Variants in GADL1 observed in about 807,000 individuals in gnomAD.
The protein encoded by GADL1 is acidic amino acid decarboxylase GADL1.
In GADL1, 71 loss-of-function variants were observed where a neutral mutation model predicts 69.5. That is an observed-to-expected ratio of 1.02 (90% CI 0.84 to 1.25). The LOEUF is 1.25. GADL1 is among the 50% of genes most tolerant of loss of function. GADL1 has a pLI of 0.00. For synonymous variants in GADL1, 254 were observed against 214.4 expected, an observed-to-expected ratio of 1.18 and a Z score of -1.62; for missense variants, 737 against 631.8, an observed-to-expected ratio of 1.17 and a Z score of -1.79.
At chr3:30,774,338 A>T (rs1244158925) in intron 14 of GADL1, among the ~76,000 whole-genome samples, 3 of 152,202 alleles carry the variant, frequency 2.0e-5, no homozygotes, top group Non-Finnish European at 4.4e-5. Flanking sequence ...TAATTATTCA[A>T]GCGCAGAACC....
chr3:30,857,475 TAAA>T (rs1559362763), intron 2 of GADL1, among the ~76,000 whole-genome samples: 3 of 151,930 alleles, frequency 2.0e-5, no homozygotes, highest in Non-Finnish European at 2.9e-5. Context: ...TTAAAAAAGA[TAAA>T]AAATTCGGAT....
chr3:30,740,956 TTTA>T (rs1431211373), intron 14 of GADL1, among the ~76,000 whole-genome samples: 6 of 137,994 alleles, frequency 4.3e-5, no homozygotes, highest in African/African-American at 1.7e-4. Flanking sequence ...ATCAAATATA[TTTA>T]TTATATATTA....
intron 6 of GADL1, among the ~76,000 whole-genome samples, chr3:30,846,437 G>A (rs925486709): frequency 3.9e-5 from 6 of 152,112 alleles, no homozygotes; most frequent in Non-Finnish European, 8.8e-5. Context: ...TTTTTTCTAT[G>A]ACCTTGAGCT....
At chr3:30,746,723 G>A (rs1251438704) in intron 14 of GADL1, among the ~76,000 whole-genome samples, 1 of 152,172 alleles carries the variant, frequency 6.6e-6, no homozygotes, top group Non-Finnish European at 1.5e-5. Flanking sequence ...ACACATAAAA[G>A]TGACATATAA....
rs1188638235 is a variant in GADL1, at chr3:30,861,613, C to T, written c.190G>A (p.Ala64Thr). ...TTTACCTTCTCATTGACATCTGTAG[C>T]TTTCAAAACCACCTCTTCCATTATT... ...RLIMEEVVLKATDVNEKVCEW... is the reference protein window; with the variant it reads ...RLIMEEVVLKTTDVNEKVCEW... Residue 64 changes from alanine (A) to threonine (T), a missense_variant, in exon 2 of 15, where the codon GCT becomes ACT. Physicochemically the swap from Ala to Thr is moderately conservative, Grantham distance 58 (BLOSUM62 0). Transcript: ENST00000282538. 6.5e-7 allele frequency: 1 copy of T among 1,547,660 alleles called. No individual in the cohort carries two copies. Among genetic ancestry groups the T allele is most frequent in the South Asian group, 1.2e-5 (1 of 83,180 alleles).
Position 30,844,603 on chromosome 3 carries a change from T to C in GADL1, c.652-137A>G, listed in dbSNP as rs1698025021. 7.6e-6 allele frequency: 5 copies of C among 657,080 alleles called. No individual in the cohort carries two copies. The East Asian group carries it at 1.3e-4, about 17-fold the overall frequency. 40.7% of individuals were successfully genotyped at this position (657,080 alleles called of 1,614,324 possible). ...ATTATTGCATAAAAAAGTAATTTAATTGAGCTCCTTAGCATAGTGGTTGAG... is the reference window on the plus strand; with the variant it reads ...ATTATTGCATAAAAAAGTAATTTAACTGAGCTCCTTAGCATAGTGGTTGAG... On this transcript the variant is annotated intron_variant, in intron 6 of 14. Transcript: ENST00000282538.
intron 13 of GADL1, among the ~76,000 whole-genome samples, chr3:30,784,894 C>T (rs1424840528): frequency 6.6e-6 from 1 of 152,114 alleles, no homozygotes; most frequent in Non-Finnish European, 1.5e-5. Context: ...TGCACACTCC[C>T]CTTCATTCAA....
chr3:30,816,559 T>TTTTTTTTTTTTTTTTTC, intron 11 of GADL1, among the ~76,000 whole-genome samples: 1 of 103,990 alleles, frequency 9.6e-6, no homozygotes, highest in Non-Finnish European at 1.9e-5. Flanking sequence ...TTTTTTTTTT[T>TTTTTTTTTTTTTTTTTC]TTTTTTTGAG....
chr3:30,835,450 G>A (rs1002285806), intron 9 of GADL1, among the ~76,000 whole-genome samples: 2 of 152,026 alleles, frequency 1.3e-5, no homozygotes, highest in African/African-American at 2.4e-5. Flanking sequence ...GTATCTCCAC[G>A]ATCCTCAGAG....
At chr3:30,765,720 G>A (rs1273464222) in intron 14 of GADL1, among the ~76,000 whole-genome samples, 1 of 152,162 alleles carries the variant, frequency 6.6e-6, no homozygotes, top group Non-Finnish European at 1.5e-5. Flanking sequence ...GCTTGGAAGG[G>A]TTGAAACTCA....
chr3:30,887,107 G>A (rs1347741668), intron 1 of GADL1, among the ~76,000 whole-genome samples: 1 of 152,184 alleles, frequency 6.6e-6, no homozygotes, highest in Non-Finnish European at 1.5e-5. Flanking sequence ...TCAGTAACTG[G>A]TAGAGCCTGG....
chr3:30,756,268 T>C (rs553776828), intron 14 of GADL1, among the ~76,000 whole-genome samples: 73 of 152,284 alleles, frequency 4.8e-4, no homozygotes, highest in African/African-American at 1.6e-3. Context: ...ACTCAACTGA[T>C]CTGGCCTCAG....
At chr3:30,764,389 T>C (rs1047641623) in intron 14 of GADL1, among the ~76,000 whole-genome samples, 1 of 152,202 alleles carries the variant, frequency 6.6e-6, no homozygotes, top group African/African-American at 2.4e-5. Flanking sequence ...TCTTGAGTTA[T>C]GTAACTCATA....
chr3:30,855,712 A>G (rs1283164371), intron 3 of GADL1, among the ~76,000 whole-genome samples: 1 of 152,046 alleles, frequency 6.6e-6, no homozygotes, highest in African/African-American at 2.4e-5. Flanking sequence ...TCTCAATCTC[A>G]GGAAGCTCAG....
At chr3:30,789,259 TGA>T (rs562138747) in intron 12 of GADL1, among the ~76,000 whole-genome samples, 2 of 152,226 alleles carry the variant, frequency 1.3e-5, no homozygotes, top group Non-Finnish European at 2.9e-5. Context: ...TCAGAGCTCT[TGA>T]GTTACTAGGT....
intron 6 of GADL1, among the ~76,000 whole-genome samples, chr3:30,845,407 G>T (rs1019924944): frequency 6.6e-6 from 1 of 151,870 alleles, no homozygotes; most frequent in Non-Finnish European, 1.5e-5. Context: ...GGACATTATT[G>T]TACCAAAAAA....
chr3:30,763,523 G>GGGT (rs1307262095), intron 14 of GADL1, among the ~76,000 whole-genome samples: 5 of 129,496 alleles, frequency 3.9e-5, no homozygotes, highest in African/African-American at 1.5e-4. Flanking sequence ...GTGGGGGTGG[G>GGGT]GGGGAATATT....
rs531743936 is a variant in GADL1 at position 30,776,416 on chromosome 3, T to A, written c.1392+1763A>T. Among the ~76,000 whole-genome samples the A allele has an allele frequency of 4.1e-4, 63 of 152,344 alleles. No homozygotes were observed. In the Middle Eastern group the frequency reaches 0.017, roughly 41 times the overall value. ...ATTGTCCAGTTCCTGTTTCTCTTTA[T>A]GGGTTACTTAACATCTGAAATGTAT... On this transcript the variant is annotated intron_variant, in intron 14 of 14. Coordinates refer to ENST00000282538, the MANE Select transcript of GADL1 (RefSeq NM_207359.3).
intron 13 of GADL1, among the ~76,000 whole-genome samples, chr3:30,784,597 A>G (rs1490676139): frequency 6.6e-6 from 1 of 152,180 alleles, no homozygotes; most frequent in African/African-American, 2.4e-5. Flanking sequence ...TCTGGAAAGT[A>G]TTTCCCAAAC....
Sources: allele counts gnomAD v4.1 joint callset (sites outside exome capture counted in the v4.1 genomes callset), GRCh38; gene constraint gnomAD v4.1.1; transcripts MANE v1.5; gene names NCBI Gene and HGNC (gene_info 2026-07-23, HGNC 2026-07-21).